The following SPG11 variants were observed in gnomAD, a reference collection of about 807,000 sequenced individuals.
SPG11 encodes the protein SPG11 vesicle trafficking associated, spatacsin.
In SPG11, 222 loss-of-function variants were observed where a neutral mutation model predicts 274.0. The ratio of observed to expected loss-of-function variants is 0.81; its 90% confidence interval spans 0.73 to 0.91. The LOEUF (loss-of-function observed/expected upper bound fraction) is 0.91, where lower values mean the gene tolerates loss of function less well. Among genes scored for constraint, SPG11 ranks in the 40% least tolerant of loss-of-function variants. SPG11 has a pLI of 0.00. For missense variants in SPG11, 3,114 were observed against 2,872.7 expected (o/e 1.08, Z -1.92); for synonymous variants, 1,144 against 1,039.7 (o/e 1.10, Z -1.93).
intron 15 of SPG11, among the ~76,000 whole-genome samples, chr15:44,616,867 G>A (rs756404078): frequency 3.9e-5 from 6 of 152,148 alleles, no homozygotes; most frequent in Non-Finnish European, 8.8e-5. Context: ...GAAACACTGA[G>A]GTCCATTTTA....
In SPG11 at chr15:44,659,245, G is replaced by C. The variant is rs771462279; in HGVS notation, c.501C>G (p.Phe167Leu). Residue 167 changes from phenylalanine (F) to leucine (L), a missense_variant, in exon 3 of 40, where the codon TTC (phenylalanine) becomes TTG (leucine). Physicochemically the swap from Phe to Leu is conservative, Grantham distance 22. Transcript: ENST00000261866. ...TATGTAGGATGACACATTTGTTGAT[G>C]AACAGTAATGATGTGTTATTGTGAA... ...LSFHNNTSLL[F>L]INKCVILHII... 9.3e-6 allele frequency: 15 copies of C among 1,614,102 alleles called. No individual in the cohort carries two copies. Among genetic ancestry groups the C allele is most frequent in the East Asian group, 2.2e-5 (1 of 44,884 alleles).
chr15:44,570,776 TC>T, intron 33 of SPG11, 118 bp from the exon 34 acceptor site: 1 of 1,334,356 alleles, frequency 7.5e-7, no homozygotes, highest in Non-Finnish European at 1.0e-6. Context: ...GAGAGGGCCG[TC>T]CCATCAGCCC....
intron 30 of SPG11, among the ~76,000 whole-genome samples, chr15:44,576,099 G>GCCA (rs2082531644): frequency 8.3e-6 from 1 of 120,966 alleles, no homozygotes. Flanking sequence ...CCGAGATTGT[G>GCCA]CCATTGCACT....
intron 15 of SPG11, among the ~76,000 whole-genome samples, chr15:44,617,107 T>C (rs2083609126): frequency 6.6e-6 from 1 of 152,192 alleles, no homozygotes; most frequent in South Asian, 2.1e-4. Flanking sequence ...ACTTCTGTTT[T>C]AGTTCACTCA....
In SPG11 at chr15:44,572,296, T is replaced by C. The variant is rs1162909756; in HGVS notation, c.6343+387A>G. Among the ~76,000 whole-genome samples the C allele has an allele frequency of 2.0e-5, 3 of 152,300 alleles. No individual in the cohort carries two copies. In the East Asian group the frequency reaches 5.8e-4, roughly 29 times the overall value. ...ATGAAGGCCTATAATGAGTTAGACA[T>C]TATGGAAAATAAACAGGCTTTGAAT... On this transcript the variant is annotated intron_variant, in intron 33 of 39. Transcript: ENST00000261866.
Position 44,572,570 on chromosome 15 carries a change from G to C in SPG11, c.6343+113C>G. 9.3e-6 allele frequency: 10 copies of C among 1,077,802 alleles called. 1 individual carries two copies. The South Asian group carries it at 1.3e-4, about 14-fold the overall frequency. The allele number at this position is 1,077,802 out of a possible 1,614,324, so 66.8% of individuals were successfully genotyped here. On this transcript the variant is annotated intron_variant, in intron 33 of 39. Transcript: ENST00000261866. ...CCAAGAACTTATAACTCCTGCTGGA[G>C]GGCTAGGCATCCAGAGCAGGAACAG... is the stretch of plus-strand genomic sequence containing the variant.
At position 44,564,574 on chromosome 15, in the gene SPG11, G is replaced by A; in HGVS notation, c.7124C>T (p.Ser2375Phe). Residue 2375 changes from serine (S) to phenylalanine (F), a missense_variant, in exon 39 of 40, where the codon TCC becomes TTC. By Grantham distance (155) the Ser-to-Phe change is radical. Coordinates refer to ENST00000261866, the MANE Select transcript of SPG11 (RefSeq NM_025137.4). ...TTTGGAAATCTCTTCAAATATACTG[G>A]ACTTTAATAACCTTTGCTGCTTAAA... ...EEFKQQRLLK[S>F]SIFEEISKKY... 1.2e-6 allele frequency: 2 copies of A among 1,613,836 alleles called. No homozygotes were observed. Among genetic ancestry groups the A allele is most frequent in the East Asian group, 2.2e-5 (1 of 44,854 alleles).
At chr15:44,598,479 T>C (rs1409988760) in intron 22 of SPG11, 106 bp from the exon 23 acceptor site, 1 of 1,280,082 alleles carries the variant, frequency 7.8e-7, no homozygotes, top group Non-Finnish European at 1.1e-6. Context: ...CCAATTAAAG[T>C]GCCCAAGAAA....
At chr15:44,615,644 T>A (rs1295051389) in intron 15 of SPG11, 78 bp from the exon 16 acceptor site, 4 of 1,220,856 alleles carry the variant, frequency 3.3e-6, no homozygotes, top group Non-Finnish European at 4.8e-6. Flanking sequence ...ACAGTTTAGG[T>A]CTCAATTACT....
chr15:44,588,265 T>C (rs888403556), intron 28 of SPG11, among the ~76,000 whole-genome samples: 7 of 151,326 alleles, frequency 4.6e-5, no homozygotes, highest in African/African-American at 1.5e-4. Context: ...GCAACAAGTT[T>C]AGAGACTGCC....
intron 14 of SPG11, chr15:44,621,223 T>C (rs914138659): frequency 1.9e-5 from 3 of 153,858 alleles, no homozygotes; most frequent in Non-Finnish European, 4.3e-5. Flanking sequence ...GAAACTTACG[T>C]ATTAGCTGTA....
chr15:44,646,657 C>A (rs547363585), intron 7 of SPG11, among the ~76,000 whole-genome samples: 1 of 152,120 alleles, frequency 6.6e-6, no homozygotes, highest in Admixed American at 6.6e-5. Context: ...TAAAAAAGAG[C>A]GAGGTCATGT....
chr15:44,580,681 C>A (rs1383026557), intron 30 of SPG11, among the ~76,000 whole-genome samples: 1 of 152,194 alleles, frequency 6.6e-6, no homozygotes, highest in African/African-American at 2.4e-5. Context: ...GTCCCAGCTA[C>A]TTGGGAGGCT....
chr15:44,587,718 A>AAAAAAAAAC (rs1567141736), intron 28 of SPG11, among the ~76,000 whole-genome samples: 1 of 148,638 alleles, frequency 6.7e-6, no homozygotes, highest in African/African-American at 2.6e-5. Flanking sequence ...AAAAAAAAAA[A>AAAAAAAAAC]AACGTATTCC....
chr15:44,594,585 AT>A (rs1391517570), intron 26 of SPG11, among the ~76,000 whole-genome samples: 1 of 139,732 alleles, frequency 7.2e-6, no homozygotes, highest in Non-Finnish European at 1.5e-5. Context: ...CCCTGTCTCT[AT>A]TAAAAATGCG....
Position 44,572,687 on chromosome 15 carries a change from A to C in SPG11, c.6339T>G (p.Ser2113=), listed in dbSNP as rs764165583. The C allele has an allele frequency of 3.1e-6, 5 of 1,614,166 alleles. No individual in the cohort carries two copies. In the Admixed American group the frequency reaches 6.7e-5, roughly 22 times the overall value. Reference sequence around the variant, plus strand: ...AGAAAAAGGTCAATAACTTACTGCAAGACAGTTCCCCATGGGGAACGGAGG... The same window carrying C: ...AGAAAAAGGTCAATAACTTACTGCACGACAGTTCCCCATGGGGAACGGAGG... ...KISSVPHGEL[S]CTTELLILAH... The change falls in exon 33 of 40, where the codon TCT becomes TCG. Residue 2113 remains serine, a synonymous_variant. Coordinates refer to ENST00000261866, the MANE Select transcript of SPG11 (RefSeq NM_025137.4).
intron 36 of SPG11, among the ~76,000 whole-genome samples, chr15:44,566,688 C>T (rs906011913): frequency 8.6e-5 from 13 of 152,016 alleles, no homozygotes; most frequent in African/African-American, 2.2e-4. Context: ...TCCTGCTGAG[C>T]GACATACCCA....
At chr15:44,626,530 C>T in intron 10 of SPG11, 23 bp from the exon 11 acceptor site, 1 of 1,610,326 alleles carries the variant, frequency 6.2e-7, no homozygotes, top group Non-Finnish European at 8.5e-7. Context: ...AAACGTTTGC[C>T]TTTTAAGTTC....
chr15:44,622,542 C>A, intron 12 of SPG11, 186 bp downstream of exon 12: 1 of 748,942 alleles, frequency 1.3e-6, no homozygotes. Flanking sequence ...TCTTTTGCCA[C>A]AAATGTAAAA....
Sources: allele counts gnomAD v4.1 joint callset (sites outside exome capture counted in the v4.1 genomes callset), GRCh38; gene constraint gnomAD v4.1.1; transcripts MANE v1.5; gene names NCBI Gene and HGNC (gene_info 2026-07-23, HGNC 2026-07-21).